The following PCDHGC4 variants were observed in gnomAD, a reference collection of about 807,000 sequenced individuals.
PCDHGC4 encodes protocadherin gamma subfamily C, 4, also known as protocadherin gamma-C4.
PCDHGC4 carries 15 observed loss-of-function variants against 59.7 expected under a neutral mutation model. That is an observed-to-expected ratio of 0.25 (90% CI 0.17 to 0.39). The LOEUF is 0.39. Ranked by LOEUF, PCDHGC4 falls within the 10% of genes least tolerant of loss-of-function variation. The pLI, the probability that PCDHGC4 is intolerant of heterozygous loss-of-function variation, is 1.00. For missense variants in PCDHGC4, 1,016 were observed against 1,189.5 expected, an observed-to-expected ratio of 0.85 and a Z score of 2.15; for synonymous variants, 434 against 481.4, an observed-to-expected ratio of 0.90 and a Z score of 1.29.
At chr5:141,507,862 G>A (rs17286954) in intron 3 of PCDHGC4, among the ~76,000 whole-genome samples, 4 of 152,076 alleles carry the variant, frequency 2.6e-5, no homozygotes, top group African/African-American at 7.2e-5. Flanking sequence ...TTTCACACCC[G>A]CTTCCTAGCC....
At chr5:141,497,807 T>G (rs2099779585) in intron 2 of PCDHGC4, among the ~76,000 whole-genome samples, 1 of 152,210 alleles carries the variant, frequency 6.6e-6, no homozygotes, top group African/African-American at 2.4e-5. Context: ...CCCAAAGTGC[T>G]AGAATTACAG....
Position 141,491,004 on chromosome 5 carries a change from G to T in PCDHGC4, c.2442+3389G>T. ...CTCGCTCTGCTCCTCCTGGCTCCTT[G>T]GTCACCAAGGTGACAGCCGTGGATG... On this transcript the variant is annotated intron_variant, in intron 1 of 3. Transcript: ENST00000306593. The surrounding 1 kb of genome is among the most constrained non-coding windows in gnomAD (Gnocchi z 6.9). The T allele has an allele frequency of 6.2e-7, 1 of 1,614,024 alleles. No individual in the cohort carries two copies. Among genetic ancestry groups the T allele is most frequent in the Non-Finnish European group, 8.5e-7 (1 of 1,180,026 alleles).
At chr5:141,499,625 C>A (rs1238895570) in intron 2 of PCDHGC4, among the ~76,000 whole-genome samples, 1 of 149,832 alleles carries the variant, frequency 6.7e-6, no homozygotes, top group East Asian at 2.0e-4. Flanking sequence ...TCCTTGGATT[C>A]TTTTGAAGCA....
At position 141,487,051 on chromosome 5, in the gene PCDHGC4, G is replaced by A. The variant is rs1348441475; in HGVS notation, c.1878G>A (p.Gly626=). The A allele has an allele frequency of 3.7e-6, 6 of 1,614,024 alleles. No individual in the cohort carries two copies. The highest frequency in any genetic ancestry group is 5.1e-6 in the Non-Finnish European group (6 of 1,180,024). Residue 626 remains glycine (G), a synonymous_variant, in exon 1 of 4, where the codon GGG becomes GGA. Coordinates refer to ENST00000306593, the MANE Select transcript of PCDHGC4 (RefSeq NM_018928.3). This position sits in a 1 kb window ranked among gnomAD's most constrained non-coding sequence, Gnocchi z 5.0. ...TGTTTGCAGTCTCTCGATATGCTGG[G>A]GAGGTGCGGACGGCTGTTCCTATCC... is the stretch of plus-strand genomic sequence containing the variant. ...PSLFAVSRYA[G]EVRTAVPIPA... is the part of the protein sequence containing the mutation.
chr5:141,489,363 G>T lies in PCDHGC4; in HGVS notation c.2442+1748G>T, dbSNP rs767837736. 20 of 1,613,114 alleles carry T rather than the reference G, an allele frequency of 1.2e-5. No homozygotes were observed. Among genetic ancestry groups the T allele is most frequent in the Non-Finnish European group, 1.7e-5 (20 of 1,179,354 alleles). ...ACTCAGTGGTGGAGGAGTCTGAGCCGGGGACGCTGGTGGGGAATGTTGCTC... is the reference window on the plus strand; with the variant it reads ...ACTCAGTGGTGGAGGAGTCTGAGCCTGGGACGCTGGTGGGGAATGTTGCTC... On this transcript the variant is annotated intron_variant, in intron 1 of 3. Transcript: ENST00000306593. The surrounding 1 kb of genome is among the most constrained non-coding windows in gnomAD (Gnocchi z 4.5).
chr5:141,508,974 G>A (rs962653911), intron 3 of PCDHGC4, among the ~76,000 whole-genome samples: 2 of 152,128 alleles, frequency 1.3e-5, no homozygotes, highest in Non-Finnish European at 2.9e-5. Flanking sequence ...AAAGGGCTGG[G>A]GGTGGGGGCC....
intron 2 of PCDHGC4, among the ~76,000 whole-genome samples, chr5:141,503,275 C>T (rs1466636672): frequency 1.3e-5 from 2 of 152,108 alleles, no homozygotes; most frequent in Non-Finnish European, 2.9e-5. Context: ...GCACCTGGCT[C>T]TGTGTCTGGT....
In PCDHGC4 at chr5:141,489,750, C is replaced by A. The variant is rs753217170; in HGVS notation, c.2442+2135C>A. 1 of 1,614,098 alleles carries A rather than the reference C, an allele frequency of 6.2e-7. No individual in the cohort carries two copies. The highest frequency in any genetic ancestry group is 1.1e-5 in the South Asian group (1 of 91,080). Reference sequence around the variant, plus strand: ...TGGGCACCAATACTGTGAGCTTTTACACTCTAAGCCCCAACAGCCACTTCT... The same window carrying A: ...TGGGCACCAATACTGTGAGCTTTTAAACTCTAAGCCCCAACAGCCACTTCT... On this transcript the variant is annotated intron_variant, in intron 1 of 3. Coordinates refer to ENST00000306593, the MANE Select transcript of PCDHGC4 (RefSeq NM_018928.3). This position sits in a 1 kb window ranked among gnomAD's most constrained non-coding sequence, Gnocchi z 4.5.
At chr5:141,510,695 C>T (rs1023505006) in intron 3 of PCDHGC4, among the ~76,000 whole-genome samples, 1 of 152,166 alleles carries the variant, frequency 6.6e-6, no homozygotes, top group Non-Finnish European at 1.5e-5. Context: ...GTTAGGTAGA[C>T]TTGCCCAGGA....
At chr5:141,494,991 G>A in intron 2 of PCDHGC4, 126 bp downstream of exon 2, 1 of 1,551,148 alleles carries the variant, frequency 6.4e-7, no homozygotes, top group Non-Finnish European at 8.7e-7. Context: ...AGATCCCAGG[G>A]AGGTCTTGGT....
intron 2 of PCDHGC4, among the ~76,000 whole-genome samples, chr5:141,495,644 A>G (rs767670166): frequency 5.3e-5 from 8 of 151,770 alleles, no homozygotes; most frequent in Non-Finnish European, 1.0e-4. Context: ...TCATTTGTCT[A>G]CTTGCATTGA....
chr5:141,492,084 G>A (rs979755390), intron 1 of PCDHGC4, among the ~76,000 whole-genome samples: 1 of 152,236 alleles, frequency 6.6e-6, no homozygotes, highest in Non-Finnish European at 1.5e-5. Flanking sequence ...GCTCCGGCAC[G>A]CTTCGCCGGT....
intron 2 of PCDHGC4, among the ~76,000 whole-genome samples, chr5:141,501,984 G>A (rs989251578): frequency 2.0e-5 from 3 of 152,042 alleles, no homozygotes; most frequent in African/African-American, 4.8e-5. Context: ...ATCTGGTCCC[G>A]TTGTCTCCCT....
At chr5:141,495,697 A>G (rs1010733016) in intron 2 of PCDHGC4, among the ~76,000 whole-genome samples, 1 of 152,086 alleles carries the variant, frequency 6.6e-6, no homozygotes, top group Non-Finnish European at 1.5e-5. Flanking sequence ...AGTGCTCAAT[A>G]AATGTGGAGT....
At chr5:141,503,802 G>A (rs2099831646) in intron 2 of PCDHGC4, among the ~76,000 whole-genome samples, 1 of 151,998 alleles carries the variant, frequency 6.6e-6, no homozygotes, top group South Asian at 2.1e-4. Context: ...CTTAGGGACG[G>A]GGAATCCCAG....
Position 141,491,307 on chromosome 5 carries a change from C to CCTTA in PCDHGC4, c.2443-3498_2443-3495dup. On this transcript the variant is annotated intron_variant, in intron 1 of 3. Transcript: ENST00000306593. The surrounding 1 kb of genome is among the most constrained non-coding windows in gnomAD (Gnocchi z 6.9). ...TCATACACCCTCCTGAGCGTTCAGA[C>CCTTA]CTTACCCTTTACCTCATTGTGGCTC... 1 of 1,614,152 alleles carries CCTTA rather than the reference C, an allele frequency of 6.2e-7. No individual in the cohort carries two copies. Among genetic ancestry groups the CCTTA allele is most frequent in the Non-Finnish European group, 8.5e-7 (1 of 1,179,986 alleles).
chr5:141,501,693 G>T (rs1417828433), intron 2 of PCDHGC4, among the ~76,000 whole-genome samples: 1 of 152,028 alleles, frequency 6.6e-6, no homozygotes, highest in Non-Finnish European at 1.5e-5. Context: ...TATCTGCAGG[G>T]TGATTCCGAG....
intron 2 of PCDHGC4, 145 bp downstream of exon 2, chr5:141,495,010 G>GT: frequency 6.6e-7 from 1 of 1,516,970 alleles, no homozygotes; most frequent in East Asian, 2.5e-5. Flanking sequence ...GTGTGCGGGG[G>GT]GCTGGCACAC....
At chr5:141,510,519 C>A (rs182721864) in intron 3 of PCDHGC4, among the ~76,000 whole-genome samples, 1 of 152,260 alleles carries the variant, frequency 6.6e-6, no homozygotes, top group East Asian at 1.9e-4. Context: ...CGTGTCACAG[C>A]CCTGAGAGAA....
Sources: allele counts gnomAD v4.1 joint callset (sites outside exome capture counted in the v4.1 genomes callset), GRCh38; gene constraint gnomAD v4.1.1; non-coding constraint Gnocchi (gnomAD v3.1); transcripts MANE v1.5; gene names NCBI Gene and HGNC (gene_info 2026-07-23, HGNC 2026-07-21).